Variants in ITGA8 observed in about 807,000 individuals in gnomAD.
ITGA8 encodes the protein integrin subunit alpha 8, also known as integrin alpha-8.
A neutral mutation model predicts 142.3 loss-of-function variants in ITGA8; 91 were observed. That is an observed-to-expected ratio of 0.64 (90% CI 0.54 to 0.76). The LOEUF (loss-of-function observed/expected upper bound fraction) is 0.76, where lower values mean the gene tolerates loss of function less well. ITGA8 is among the 30% of genes least tolerant of loss of function. The probability of loss-of-function intolerance (pLI) is 0.00; values close to 1 mark genes in which losing one functional copy is unlikely to be tolerated. For synonymous variants in ITGA8, 505 were observed against 485.2 expected, an observed-to-expected ratio of 1.04 and a Z score of -0.54; for missense variants, 1,406 against 1,327.7, an observed-to-expected ratio of 1.06 and a Z score of -0.92.
At chr10:15,558,638 A>G (rs1187825039) in intron 25 of ITGA8, among the ~76,000 whole-genome samples, 1 of 152,206 alleles carries the variant, frequency 6.6e-6, no homozygotes, top group Non-Finnish European at 1.5e-5. Context: ...TGCCAACCTC[A>G]TTTGGGGAAA....
chr10:15,645,481 G>C (rs1410047747), intron 12 of ITGA8, among the ~76,000 whole-genome samples: 1 of 152,178 alleles, frequency 6.6e-6, no homozygotes, highest in South Asian at 2.1e-4. Context: ...GCTTTACAGA[G>C]TAGCAAGTCA....
At chr10:15,710,974 A>G (rs1835353151) in intron 2 of ITGA8, among the ~76,000 whole-genome samples, 1 of 152,184 alleles carries the variant, frequency 6.6e-6, no homozygotes, top group African/African-American at 2.4e-5. Context: ...CTTATGTCAA[A>G]TATCAGAGCT....
chr10:15,693,897 G>A (rs562780205), intron 2 of ITGA8, among the ~76,000 whole-genome samples: 1 of 151,750 alleles, frequency 6.6e-6, no homozygotes, highest in East Asian at 1.9e-4. Flanking sequence ...ATCTCTTAAT[G>A]ACAGATAGCT....
At chr10:15,606,180 G>T in intron 18 of ITGA8, 105 bp downstream of exon 18, 1 of 948,082 alleles carries the variant, frequency 1.1e-6, no homozygotes, top group Non-Finnish European at 1.6e-6. Context: ...ATGTCTGCAT[G>T]CAGAAGTAAA....
At chr10:15,586,049 ATTTTTTTTTTTTTT>A (rs59435924) in intron 23 of ITGA8, among the ~76,000 whole-genome samples, 1 of 76,810 alleles carries the variant, frequency 1.3e-5, no homozygotes, top group Non-Finnish European at 2.5e-5. Context: ...GAATAAAGTG[ATTTTTTTTTTTTTT>A]TTTTTTTTTT....
At chr10:15,561,717 T>G (rs1833985299) in intron 25 of ITGA8, among the ~76,000 whole-genome samples, 1 of 152,202 alleles carries the variant, frequency 6.6e-6, no homozygotes. Flanking sequence ...CTCCTTTCTC[T>G]GGAAGTGTTA....
chr10:15,642,371 C>G (rs1183247709), intron 13 of ITGA8, among the ~76,000 whole-genome samples: 2 of 152,104 alleles, frequency 1.3e-5, no homozygotes, highest in African/African-American at 4.8e-5. Context: ...TCATCAAAGG[C>G]ACAGCCTTTC....
At chr10:15,563,862 A>T (rs530533369) in intron 25 of ITGA8, among the ~76,000 whole-genome samples, 17 of 152,066 alleles carry the variant, frequency 1.1e-4, no homozygotes, top group Admixed American at 3.3e-4. Context: ...GGCTGCCATG[A>T]GCCAAGATAG....
intron 13 of ITGA8, among the ~76,000 whole-genome samples, chr10:15,634,043 T>G (rs1833728807): frequency 6.6e-6 from 1 of 152,198 alleles, no homozygotes. Context: ...TTGCTCATGC[T>G]GTGTTCCCCT....
rs1266763317 is a variant in ITGA8, at chr10:15,719,797, C to G, written c.-26G>C. On this transcript the variant is annotated 5_prime_UTR_variant, in exon 1 of 30. Transcript: ENST00000378076. ...CTCCCTCCGCCCCGGTGGGTGGCTG[C>G]TACCCAGGAGCGCGAGCCGAGGACC... 1 of 1,338,558 alleles carries G rather than the reference C, an allele frequency of 7.5e-7. No homozygotes were observed. The highest frequency in any genetic ancestry group is 9.5e-7 in the Non-Finnish European group (1 of 1,052,434). 82.9% of individuals were successfully genotyped at this position (1,338,558 alleles called of 1,614,324 possible).
chr10:15,652,368 G>A (rs374210263), intron 11 of ITGA8, among the ~76,000 whole-genome samples: 1 of 152,184 alleles, frequency 6.6e-6, no homozygotes, highest in East Asian at 1.9e-4. Flanking sequence ...CGTGCAGCAG[G>A]GGAAGAGCCC....
rs1835107831 is a variant in ITGA8 at position 15,698,978 on chromosome 10, T to C, written c.344-10940A>G. Reference sequence around the variant, plus strand: ...TGCTTTTGGGTTCTTGATTATAAAGTCTTTGCCTAAGAAAACATGGCATTT... The same window carrying C: ...TGCTTTTGGGTTCTTGATTATAAAGCCTTTGCCTAAGAAAACATGGCATTT... On this transcript the variant is annotated intron_variant, in intron 2 of 29. Transcript: ENST00000378076. Among the ~76,000 whole-genome samples, 5 of 152,198 alleles carry C rather than the reference T, an allele frequency of 3.3e-5. No individual in the cohort carries two copies. In the South Asian group the frequency reaches 1.0e-3, roughly 31 times the overall value.
rs1401418519 is a variant in ITGA8, at chr10:15,548,551, C to T, written c.2784G>A (p.Glu928=). ...CCACTGCACAGGAGATTTGTAAACA[C>T]TCGATATTTGTACAATTCTGCAAAC... ...PAKILNCTNI[E]CLQISCAVGR... is the part of the protein sequence containing the mutation. The change falls in exon 27 of 30, where the codon GAG becomes GAA. Residue 928 remains glutamate, a synonymous_variant. Transcript: ENST00000378076. The T allele has an allele frequency of 1.2e-6, 2 of 1,610,868 alleles. No individual in the cohort carries two copies. Among genetic ancestry groups the T allele is most frequent in the Non-Finnish European group, 1.7e-6 (2 of 1,178,574 alleles).
At chr10:15,569,487 G>C (rs1272630411) in intron 25 of ITGA8, among the ~76,000 whole-genome samples, 1 of 152,206 alleles carries the variant, frequency 6.6e-6, no homozygotes, top group Non-Finnish European at 1.5e-5. Flanking sequence ...TTGGATACTG[G>C]AATTGAATTC....
Position 15,675,934 on chromosome 10 carries a change from T to A in ITGA8, c.676+1658A>T, listed in dbSNP as rs141264019. On this transcript the variant is annotated intron_variant, in intron 6 of 29. Transcript: ENST00000378076. ...GTAAATTTTCAGCAAATCATTTGTA[T>A]CCTACGTTTTTTCAACCAAAAGAAT... Among the ~76,000 whole-genome samples, 69 of 152,338 alleles carry A rather than the reference T, an allele frequency of 4.5e-4. 2 individuals carry two copies. In the East Asian group the frequency reaches 0.011, roughly 24 times the overall value.
rs1185457633 is a variant in ITGA8 at position 15,644,198 on chromosome 10, C to T, written c.1231G>A (p.Ala411Thr). The T allele has an allele frequency of 1.9e-6, 3 of 1,613,510 alleles. No homozygotes were observed. The highest frequency in any genetic ancestry group is 3.3e-4 in the Middle Eastern group (2 of 6,084). The change falls in exon 13 of 30, where the codon GCA (alanine) becomes ACA (threonine). Residue 411 changes from alanine to threonine, a missense_variant. By Grantham distance (58) the Ala-to-Thr change is moderately conservative. Coordinates refer to ENST00000378076, the MANE Select transcript of ITGA8 (RefSeq NM_003638.3). ...YNDIAIGVPF[A>T]GKDQRGKVLI... The stretch of plus-strand genomic sequence containing the variant: ...ACTTTGCCTCTTTGATCCTTGCCTG[C>T]AAAAGGCACTCCGATGGCAATGTCT...
chr10:15,694,710 T>TATGTATATATATATATATGTCGACAA (rs1173454766), intron 2 of ITGA8, among the ~76,000 whole-genome samples: 9 of 142,182 alleles, frequency 6.3e-5, no homozygotes, highest in Non-Finnish European at 1.1e-4. Flanking sequence ...TATGTCGACA[T>TATGTATATATATATATATGTCGACAA]ATGTATTTCT....
intron 11 of ITGA8, among the ~76,000 whole-genome samples, chr10:15,653,359 C>T (rs1248617733): frequency 1.3e-5 from 2 of 151,996 alleles, no homozygotes; most frequent in Admixed American, 1.3e-4. Context: ...TTTTTTAGAG[C>T]AGTTTTAGAT....
intron 22 of ITGA8, 69 bp from the exon 23 acceptor site, chr10:15,586,733 A>G (rs986213532): frequency 4.4e-6 from 4 of 908,056 alleles, no homozygotes; most frequent in Non-Finnish European, 7.3e-6. Flanking sequence ...TGATCATAAA[A>G]AACATTCTAC....
Sources: gnomAD v4.1 joint callset for allele counts (sites outside exome capture counted in the v4.1 genomes callset) on GRCh38, gnomAD v4.1.1 for gene constraint, MANE v1.5 for transcripts, NCBI Gene and HGNC (gene_info 2026-07-23, HGNC 2026-07-21) for gene names.